CEP89: variants seen among roughly 807,000 people sequenced by gnomAD.
CEP89 encodes the protein centrosomal protein of 89 kDa.
Under a neutral mutation model 97.6 loss-of-function variants are expected in CEP89, and 95 were observed. That is an observed-to-expected ratio of 0.97 (90% CI 0.82 to 1.15). CEP89 has a LOEUF of 1.15. CEP89 is among the 50% of genes most tolerant of loss of function. The pLI is 0.00. For missense variants in CEP89, 869 were observed against 947.7 expected (o/e 0.92, Z 1.09); for synonymous variants, 354 against 349.1 (o/e 1.01, Z -0.16).
At chr19:32,935,119 G>C (rs1970553259) in intron 7 of CEP89, among the ~76,000 whole-genome samples, 1 of 152,316 alleles carries the variant, frequency 6.6e-6, no homozygotes, top group Non-Finnish European at 1.5e-5. Flanking sequence ...CAGGCCCTGA[G>C]GGCAGAAAGG....
Position 32,912,935 on chromosome 19 carries a change from G to C in CEP89, c.1565+2402C>G, listed in dbSNP as rs371534971. 8.6e-5 allele frequency among the ~76,000 whole-genome samples: 13 copies of C among 151,596 alleles called. No individual in the cohort carries two copies. In the East Asian group the frequency reaches 1.7e-3, roughly 20 times the overall value. ...TGGGCGCCTGTAGTCCCAGCTACTC[G>C]GGAGGCTGAGGCAGGAGAATGGCGT... is the stretch of plus-strand genomic sequence containing the variant. On this transcript the variant is annotated intron_variant, in intron 14 of 18. Coordinates refer to ENST00000305768, the MANE Select transcript of CEP89 (RefSeq NM_032816.5).
At chr19:32,913,531 C>G (rs925537337) in intron 14 of CEP89, among the ~76,000 whole-genome samples, 9 of 152,016 alleles carry the variant, frequency 5.9e-5, no homozygotes, top group African/African-American at 1.9e-4. Flanking sequence ...ACTCATTTCA[C>G]TTTGCCTAGG....
At chr19:32,959,222 G>T (rs537904816) in intron 3 of CEP89, among the ~76,000 whole-genome samples, 1 of 151,622 alleles carries the variant, frequency 6.6e-6, no homozygotes, top group Non-Finnish European at 1.5e-5. Context: ...GCCCCATCTC[G>T]CATCCCAAAC....
intron 9 of CEP89, among the ~76,000 whole-genome samples, chr19:32,928,104 C>T (rs775283353): frequency 3.3e-5 from 5 of 149,636 alleles, no homozygotes; most frequent in Non-Finnish European, 4.5e-5. Flanking sequence ...TTAGTAGAGG[C>T]GAGGTTTCAC....
rs919240548 is a variant in CEP89 at position 32,951,524 on chromosome 19, T to C, written c.492+2091A>G. ...AACAACAAAAAATTATATATATATATATATATATATACACACACACACACA... is the reference window on the plus strand; with the variant it reads ...AACAACAAAAAATTATATATATATACATATATATATACACACACACACACA... On this transcript the variant is annotated intron_variant, in intron 4 of 18. Transcript: ENST00000305768. 2.5e-4 allele frequency among the ~76,000 whole-genome samples: 13 copies of C among 52,684 alleles called. No individual in the cohort carries two copies. The East Asian group carries it at 9.5e-3, about 39-fold the overall frequency. 34.6% of individuals were successfully genotyped at this position (52,684 alleles called of 152,430 possible).
At chr19:32,935,757 C>T (rs1242074312) in intron 7 of CEP89, among the ~76,000 whole-genome samples, 3 of 152,156 alleles carry the variant, frequency 2.0e-5, no homozygotes, top group Admixed American at 1.3e-4. Context: ...CTCCATGGAG[C>T]AGGCAGGAGC....
rs1471649915 is a variant in CEP89 at position 32,878,290 on chromosome 19, A to C, written c.*872T>G. ...ACAACTAAACAAAAGAGAATAAAGT[A>C]CTTGCTCAGGAGGATAGAGAAGGGC... On this transcript the variant is annotated 3_prime_UTR_variant, in exon 19 of 19. Transcript: ENST00000305768. 1 of 152,438 alleles carries C rather than the reference A, an allele frequency of 6.6e-6. No individual in the cohort carries two copies. Among genetic ancestry groups the C allele is most frequent in the Non-Finnish European group, 1.5e-5 (1 of 68,262 alleles). The allele number at this position is 152,438 out of a possible 1,614,324, so 9.4% of individuals were successfully genotyped here. A position where few individuals can be genotyped will look rare whatever the true frequency, so the allele number is the denominator to read the frequency against.
chr19:32,894,326 C>A (rs189149839), intron 16 of CEP89, among the ~76,000 whole-genome samples: 3 of 152,294 alleles, frequency 2.0e-5, no homozygotes, highest in Non-Finnish European at 4.4e-5. Flanking sequence ...TGTATGTCAG[C>A]ACCTAACTTA....
chr19:32,952,719 C>T (rs1400279823), intron 4 of CEP89, among the ~76,000 whole-genome samples: 1 of 151,418 alleles, frequency 6.6e-6, no homozygotes, highest in Non-Finnish European at 1.5e-5. Context: ...GCCTAGGCAA[C>T]ATGGAGAAAC....
Position 32,878,864 on chromosome 19 carries a change from A to G in CEP89, c.*298T>C. On this transcript the variant is annotated 3_prime_UTR_variant, in exon 19 of 19. Coordinates refer to ENST00000305768, the MANE Select transcript of CEP89 (RefSeq NM_032816.5). ...ACACCTGAGGTCCCAGCTACTCAGG[A>G]GGCTGAAGCAGAAGGATCTCAAACA... 1 of 268,538 alleles carries G rather than the reference A, an allele frequency of 3.7e-6. No individual in the cohort carries two copies. Among genetic ancestry groups the G allele is most frequent in the Non-Finnish European group, 7.0e-6 (1 of 143,306 alleles). The allele number at this position is 268,538 out of a possible 1,614,324, so 16.6% of individuals were successfully genotyped here. A position where few individuals can be genotyped will look rare whatever the true frequency, so the allele number is the denominator to read the frequency against.
intron 5 of CEP89, among the ~76,000 whole-genome samples, chr19:32,942,511 C>A (rs1970708618): frequency 6.6e-6 from 1 of 152,280 alleles, no homozygotes; most frequent in South Asian, 2.1e-4. Flanking sequence ...TTTTAAGGGG[C>A]AATTCAATTT....
chr19:32,926,837 C>T, intron 10 of CEP89, 97 bp downstream of exon 10: 1 of 1,041,168 alleles, frequency 9.6e-7, no homozygotes, highest in Non-Finnish European at 1.5e-6. Flanking sequence ...GCTGGGATTA[C>T]AGACATGAGC....
At chr19:32,889,983 G>A (rs562784499) in intron 16 of CEP89, among the ~76,000 whole-genome samples, 11 of 152,222 alleles carry the variant, frequency 7.2e-5, no homozygotes, top group Non-Finnish European at 4.4e-5. Flanking sequence ...ACACTTGAGT[G>A]CCTTCAAGGC....
At chr19:32,943,701 G>C (rs1970735781) in intron 5 of CEP89, among the ~76,000 whole-genome samples, 1 of 152,078 alleles carries the variant, frequency 6.6e-6, no homozygotes, top group African/African-American at 2.4e-5. Flanking sequence ...AGTGGGGAGG[G>C]AGAGTAGCAT....
In CEP89 at chr19:32,915,392, A is replaced by C. The variant is rs1426341116; in HGVS notation, c.1510T>G (p.Ser504Ala). Residue 504 changes from serine (S) to alanine (A), a missense_variant, in exon 14 of 19, where the codon TCG becomes GCG. Transcript: ENST00000305768. ...ACTTCCACTGCGATTTTGCCATCCG[A>C]GTGTGTTTTGAGTTCTTGGCATTTG... ...RAKCQELKTH[S>A]DGKIAVEVHK... is the part of the protein sequence containing the mutation. The C allele has an allele frequency of 6.2e-7, 1 of 1,613,140 alleles. No homozygotes were observed. Among genetic ancestry groups the C allele is most frequent in the African/African-American group, 1.3e-5 (1 of 74,800 alleles).
At chr19:32,890,941 G>A (rs1354717425) in intron 16 of CEP89, among the ~76,000 whole-genome samples, 1 of 152,164 alleles carries the variant, frequency 6.6e-6, no homozygotes. Context: ...CATCCCTGGA[G>A]CGCCACGGAC....
intron 5 of CEP89, among the ~76,000 whole-genome samples, chr19:32,947,764 C>T (rs1467760862): frequency 6.6e-6 from 1 of 152,206 alleles, no homozygotes; most frequent in Non-Finnish European, 1.5e-5. Flanking sequence ...CCACCTTGGC[C>T]TCCCAAAGTA....
At chr19:32,881,192 T>C (rs1164272981) in intron 18 of CEP89, among the ~76,000 whole-genome samples, 1 of 152,104 alleles carries the variant, frequency 6.6e-6, no homozygotes, top group Non-Finnish European at 1.5e-5. Flanking sequence ...TCCCTGCTAC[T>C]TGGGAAGCTA....
At chr19:32,905,091 G>A (rs895119327) in intron 14 of CEP89, among the ~76,000 whole-genome samples, 2 of 152,000 alleles carry the variant, frequency 1.3e-5, no homozygotes, top group African/African-American at 2.4e-5. Flanking sequence ...TTCATGCCAC[G>A]TGTGTCAGTT....
Sources: allele counts gnomAD v4.1 joint callset (sites outside exome capture counted in the v4.1 genomes callset), GRCh38; gene constraint gnomAD v4.1.1; transcripts MANE v1.5; gene names NCBI Gene and HGNC (gene_info 2026-07-23, HGNC 2026-07-21).